Variants in IGF2BP2 observed in about 807,000 individuals in gnomAD.
The protein encoded by IGF2BP2 is insulin-like growth factor 2 mRNA-binding protein 2.
In IGF2BP2, 17 loss-of-function variants were observed where a neutral mutation model predicts 75.8. The observed-to-expected ratio is 0.22, with a 90% CI of 0.15 to 0.34. The LOEUF (loss-of-function observed/expected upper bound fraction) is 0.34, where lower values mean the gene tolerates loss of function less well. IGF2BP2 is among the 10% of genes least tolerant of loss of function. The probability of loss-of-function intolerance (pLI) is 1.00; values close to 1 mark genes in which losing one functional copy is unlikely to be tolerated. For synonymous variants in IGF2BP2, 288 were observed against 295.6 expected (o/e 0.97, Z 0.26); for missense variants, 516 against 772.4 (o/e 0.67, Z 3.93).
Position 185,644,078 on chromosome 3 carries a change from T to G in IGF2BP2, c.*1453A>C, listed in dbSNP as rs1713104667. 6.6e-6 allele frequency: 1 copy of G among 152,508 alleles called. No individual in the cohort carries two copies. The highest frequency in any genetic ancestry group is 1.5e-5 in the Non-Finnish European group (1 of 68,030). The allele number at this position is 152,508 out of a possible 1,614,324, so 9.4% of individuals were successfully genotyped here. A position where few individuals can be genotyped will look rare whatever the true frequency, so the allele number is the denominator to read the frequency against. On this transcript the variant is annotated 3_prime_UTR_variant, in exon 16 of 16. Coordinates refer to ENST00000382199, the MANE Select transcript of IGF2BP2 (RefSeq NM_006548.6). The stretch of plus-strand genomic sequence containing the variant: ...CAGAACAGCTGTTGCACACTTGGAC[T>G]GTCACCTTCTCCAGGCTGGCAGTTG...
chr3:185,783,220 C>T (rs916778725), intron 2 of IGF2BP2, among the ~76,000 whole-genome samples: 30 of 152,252 alleles, frequency 2.0e-4, no homozygotes, highest in African/African-American at 6.5e-4. Flanking sequence ...AGTAAATGTG[C>T]CCCTCACCTA....
chr3:185,658,332 G>A lies in IGF2BP2; in HGVS notation c.1269+9C>T. The A allele has an allele frequency of 1.2e-6, 2 of 1,613,330 alleles. No individual in the cohort carries two copies. The highest frequency in any genetic ancestry group is 1.7e-6 in the Non-Finnish European group (2 of 1,179,396). ...GTGGCAGGTGCGGCTGAACTGAGGGGGCACTTACAGAGTGATGATGCGGGA... is the reference window on the plus strand; with the variant it reads ...GTGGCAGGTGCGGCTGAACTGAGGGAGCACTTACAGAGTGATGATGCGGGA... On this transcript the variant is annotated intron_variant, in intron 11 of 15. Coordinates refer to ENST00000382199, the MANE Select transcript of IGF2BP2 (RefSeq NM_006548.6).
Position 185,657,294 on chromosome 3 carries a change from A to G in IGF2BP2, c.1378T>C (p.Ser460Pro). 6.2e-7 allele frequency: 1 copy of G among 1,612,710 alleles called. No homozygotes were observed. The highest frequency in any genetic ancestry group is 8.5e-7 in the Non-Finnish European group (1 of 1,179,220). ...IKQLARFAGASIKIAPAEGPD... is the reference protein window; with the variant it reads ...IKQLARFAGAPIKIAPAEGPD... ...GTCAGGAGCAGCCTCACCTTGATAG[A>G]GGCTCCGGCGAATCTCGCCAGCTGT... The change falls in exon 12 of 16, where the codon TCT (serine) becomes CCT (proline). Residue 460 changes from serine to proline, a missense_variant. By Grantham distance (74) the Ser-to-Pro change is moderately conservative (BLOSUM62 -1). Transcript: ENST00000382199.
At position 185,820,965 on chromosome 3, in the gene IGF2BP2, A is replaced by G. The variant is rs1360700524; in HGVS notation, c.239+2188T>C. ...AGAAATGCAACACAAGAACACCAAAATAGTCTCCATATAACATAAAAGCTT... is the reference window on the plus strand; with the variant it reads ...AGAAATGCAACACAAGAACACCAAAGTAGTCTCCATATAACATAAAAGCTT... On this transcript the variant is annotated intron_variant, in intron 2 of 15. Coordinates refer to ENST00000382199, the MANE Select transcript of IGF2BP2 (RefSeq NM_006548.6). 3.3e-6 allele frequency: 5 copies of G among 1,522,034 alleles called. No homozygotes were observed. In the East Asian group the frequency reaches 9.8e-5, roughly 30 times the overall value. The allele number at this position is 1,522,034 out of a possible 1,614,324, so 94.3% of individuals were successfully genotyped here. A position where few individuals can be genotyped will look rare whatever the true frequency, so the allele number is the denominator to read the frequency against.
chr3:185,760,371 AT>A (rs1012010537), intron 2 of IGF2BP2, among the ~76,000 whole-genome samples: 16 of 152,026 alleles, frequency 1.1e-4, no homozygotes, highest in Non-Finnish European at 5.9e-5. Flanking sequence ...CATACTTAAG[AT>A]TTTTTAACAG....
chr3:185,653,025 G>T (rs1195741410), intron 12 of IGF2BP2, among the ~76,000 whole-genome samples: 1 of 152,096 alleles, frequency 6.6e-6, no homozygotes. Context: ...TGGCCAGGCT[G>T]GTCTCAAAGT....
rs954038061 is a variant in IGF2BP2 at position 185,696,649 on chromosome 3, A to G, written c.303T>C (p.Leu101=). 1.2e-6 allele frequency: 2 copies of G among 1,613,828 alleles called. No homozygotes were observed. The highest frequency in any genetic ancestry group is 1.7e-5 in the Admixed American group (1 of 60,006). ...TCTCCACTGTCCCATATTGAGCCAA[A>G]AGTCCATCCAACACCTAAAAGAGAA... The part of the protein sequence containing the change: ...PHLQWEVLDG[L]LAQYGTVENV... Residue 101 remains leucine, a synonymous_variant, in exon 4 of 16, where the codon CTT becomes CTC. Coordinates refer to ENST00000382199, the MANE Select transcript of IGF2BP2 (RefSeq NM_006548.6).
At chr3:185,663,739 A>T (rs1175579335) in intron 10 of IGF2BP2, among the ~76,000 whole-genome samples, 1 of 151,886 alleles carries the variant, frequency 6.6e-6, no homozygotes, top group Non-Finnish European at 1.5e-5. Flanking sequence ...ATTTATTTCC[A>T]CCCTGATCTT....
intron 10 of IGF2BP2, among the ~76,000 whole-genome samples, chr3:185,666,555 G>A (rs1332723774): frequency 1.3e-5 from 2 of 152,036 alleles, no homozygotes; most frequent in Admixed American, 6.6e-5. Flanking sequence ...ACTTGAACCC[G>A]GAGGCAGAGG....
At position 185,644,108 on chromosome 3, in the gene IGF2BP2, CTTAT is replaced by C. The variant is rs964629276; in HGVS notation, c.*1419_*1422del. On this transcript the variant is annotated 3_prime_UTR_variant, in exon 16 of 16. Transcript: ENST00000382199. ...CCTTCTCCAGGCTGGCAGTTGATAT[CTTAT>C]TTTTTTTCCAACTCATTTTTATTAA... The C allele has an allele frequency of 6.6e-6, 1 of 152,162 alleles. No homozygotes were observed. The highest frequency in any genetic ancestry group is 1.5e-5 in the Non-Finnish European group (1 of 67,968). 9.4% of individuals were successfully genotyped at this position (152,162 alleles called of 1,614,324 possible).
intron 2 of IGF2BP2, among the ~76,000 whole-genome samples, chr3:185,752,618 C>T (rs554775776): frequency 6.6e-6 from 1 of 151,956 alleles, no homozygotes; most frequent in Non-Finnish European, 1.5e-5. Flanking sequence ...GAGACAGTGT[C>T]TCTCTCTGTC....
At chr3:185,770,304 G>C (rs1279456945) in intron 2 of IGF2BP2, among the ~76,000 whole-genome samples, 1 of 152,224 alleles carries the variant, frequency 6.6e-6, no homozygotes, top group Non-Finnish European at 1.5e-5. Flanking sequence ...ACCCGAGGGA[G>C]CATATCTGGT....
chr3:185,749,806 G>A (rs777748692), intron 2 of IGF2BP2, among the ~76,000 whole-genome samples: 4 of 152,148 alleles, frequency 2.6e-5, no homozygotes, highest in African/African-American at 7.2e-5. Flanking sequence ...GTTAAAAAAC[G>A]TCCTTGACAC....
chr3:185,665,169 T>TA (rs869141172), intron 10 of IGF2BP2, among the ~76,000 whole-genome samples: 15,961 of 96,638 alleles, frequency 0.17, 1,529 homozygotes, highest in South Asian at 0.28. Context: ...CCCTGTTTCT[T>TA]AAAAAAAAAA....
At position 185,644,606 on chromosome 3, in the gene IGF2BP2, G is replaced by A. The variant is rs1310476116; in HGVS notation, c.*925C>T. 1.3e-4 allele frequency: 16 copies of A among 124,768 alleles called. No individual in the cohort carries two copies. The Middle Eastern group carries it at 0.014, about 106-fold the overall frequency. 7.7% of individuals were successfully genotyped at this position (124,768 alleles called of 1,614,324 possible). A position where few individuals can be genotyped will look rare whatever the true frequency, so the allele number is the denominator to read the frequency against. Reference sequence around the variant, plus strand: ...GCTTTGCCTGGGGGGGGGGGGGTGCGTAGATACGGGATTGAGATGGAGGGA... The same window carrying A: ...GCTTTGCCTGGGGGGGGGGGGGTGCATAGATACGGGATTGAGATGGAGGGA... On this transcript the variant is annotated 3_prime_UTR_variant, in exon 16 of 16. Coordinates refer to ENST00000382199, the MANE Select transcript of IGF2BP2 (RefSeq NM_006548.6).
intron 2 of IGF2BP2, among the ~76,000 whole-genome samples, chr3:185,806,556 A>C (rs976629552): frequency 2.6e-5 from 4 of 152,344 alleles, no homozygotes; most frequent in Admixed American, 1.3e-4. Context: ...TGTAATGCAA[A>C]TAAAGCAAGC....
At chr3:185,681,340 C>T (rs1427232323) in intron 7 of IGF2BP2, among the ~76,000 whole-genome samples, 1 of 152,126 alleles carries the variant, frequency 6.6e-6, no homozygotes, top group Non-Finnish European at 1.5e-5. Context: ...CTTACAATAG[C>T]ATCAAAAAGT....
intron 7 of IGF2BP2, 92 bp downstream of exon 7, chr3:185,686,965 T>G: frequency 2.9e-6 from 4 of 1,401,078 alleles, no homozygotes; most frequent in East Asian, 2.3e-5. Flanking sequence ...AGTAACAGAT[T>G]TGGAGTTTTT....
intron 2 of IGF2BP2, among the ~76,000 whole-genome samples, chr3:185,735,232 G>A (rs191020944): frequency 8.7e-5 from 13 of 149,638 alleles, no homozygotes; most frequent in African/African-American, 3.2e-4. Context: ...TGCAACCTCC[G>A]CCTTCCGGGT....
Sources: gnomAD v4.1 joint callset for allele counts (sites outside exome capture counted in the v4.1 genomes callset) on GRCh38, gnomAD v4.1.1 for gene constraint, MANE v1.5 for transcripts, NCBI Gene and HGNC (gene_info 2026-07-23, HGNC 2026-07-21) for gene names.